The following BTRC variants were observed in gnomAD, a reference collection of about 807,000 sequenced individuals.
BTRC encodes the protein F-box/WD repeat-containing protein 1A.
Under a neutral mutation model 85.5 loss-of-function variants are expected in BTRC, and 42 were observed. The ratio of observed to expected loss-of-function variants is 0.49; its 90% CI spans 0.38 to 0.64. BTRC has a LOEUF of 0.64. Ranked by LOEUF, BTRC falls within the 30% of genes least tolerant of loss-of-function variation. The probability of loss-of-function intolerance (pLI) is 0.00; values close to 1 mark genes in which losing one functional copy is unlikely to be tolerated. For missense variants in BTRC, 594 were observed against 743.5 expected (o/e 0.80, Z 2.34); for synonymous variants, 255 against 263.3 (o/e 0.97, Z 0.30).
At chr10:101,450,638 A>G (rs1281810096) in intron 2 of BTRC, among the ~76,000 whole-genome samples, 3 of 152,198 alleles carry the variant, frequency 2.0e-5, no homozygotes, top group Non-Finnish European at 4.4e-5. Context: ...TAGGTAGTAC[A>G]GCCGAGTTGT....
At chr10:101,467,435 C>T (rs567514589) in intron 3 of BTRC, among the ~76,000 whole-genome samples, 1 of 150,674 alleles carries the variant, frequency 6.6e-6, no homozygotes, top group African/African-American at 2.4e-5. Flanking sequence ...GATAATTGCT[C>T]GAGAAAACCC....
chr10:101,483,652 T>C (rs1389822608), intron 4 of BTRC, among the ~76,000 whole-genome samples: 1 of 152,110 alleles, frequency 6.6e-6, no homozygotes, highest in Non-Finnish European at 1.5e-5. Context: ...ATCCAAGTAA[T>C]ATTTGGAGGC....
intron 8 of BTRC, 122 bp from the exon 9 acceptor site, chr10:101,532,830 A>G (rs1022236986): frequency 1.4e-5 from 11 of 801,144 alleles, no homozygotes; most frequent in Non-Finnish European, 2.3e-5. Flanking sequence ...ACCTATAGAA[A>G]ATGCATTCCA....
intron 4 of BTRC, 72 bp from the exon 5 acceptor site, chr10:101,521,567 C>A: frequency 4.5e-6 from 5 of 1,115,350 alleles, no homozygotes; most frequent in Non-Finnish European, 6.5e-6. Context: ...GCATGCCATA[C>A]CAGAAAATCA....
chr10:101,529,631 T>G (rs763846020), intron 6 of BTRC, among the ~76,000 whole-genome samples: 5 of 152,226 alleles, frequency 3.3e-5, no homozygotes, highest in Non-Finnish European at 5.9e-5. Context: ...GTATCATGTT[T>G]CATTAATCCC....
At chr10:101,547,916 T>TA (rs1236898899) in intron 13 of BTRC, among the ~76,000 whole-genome samples, 1 of 152,174 alleles carries the variant, frequency 6.6e-6, no homozygotes, top group East Asian at 1.9e-4. Context: ...CATGCTTATA[T>TA]CAATGGATGC....
chr10:101,523,687 T>C (rs2062152441), intron 5 of BTRC, among the ~76,000 whole-genome samples: 1 of 152,232 alleles, frequency 6.6e-6, no homozygotes, highest in South Asian at 2.1e-4. Flanking sequence ...TACGTATGTG[T>C]ATTTGCCTAT....
At position 101,526,096 on chromosome 10, in the gene BTRC, G is replaced by A. The variant is rs751603535; in HGVS notation, c.640G>A (p.Glu214Lys). 2 of 1,614,146 alleles carry A rather than the reference G, an allele frequency of 1.2e-6. No homozygotes were observed. The highest frequency in any genetic ancestry group is 1.7e-6 in the Non-Finnish European group (2 of 1,180,036). The change falls in exon 6 of 15, where the codon GAA becomes AAA. Residue 214 changes from glutamate (E) to lysine (K), a missense_variant. Coordinates refer to ENST00000370187, the MANE Select transcript of BTRC (RefSeq NM_033637.4). ...ATGTGCTGCTGAACTTGTGTGCAAG[G>A]AATGGTACCGAGTGACCTCTGATGG... is the stretch of plus-strand genomic sequence containing the variant. ...SLCAAELVCK[E>K]WYRVTSDGML...
chr10:101,523,936 G>A (rs9420856), intron 5 of BTRC, among the ~76,000 whole-genome samples: 145,985 of 152,112 alleles, frequency 0.96, 70,316 homozygotes, highest in East Asian at 1. Flanking sequence ...AATCCTAGGG[G>A]AAAAAATACA....
intron 1 of BTRC, among the ~76,000 whole-genome samples, chr10:101,424,979 A>G (rs1164960116): frequency 6.6e-6 from 1 of 152,064 alleles, no homozygotes; most frequent in Non-Finnish European, 1.5e-5. Context: ...TGTATTCCTC[A>G]GTGTCTGTTC....
At chr10:101,533,985 G>A (rs773379261) in intron 9 of BTRC, among the ~76,000 whole-genome samples, 6 of 151,726 alleles carry the variant, frequency 4.0e-5, no homozygotes, top group Admixed American at 2.0e-4. Context: ...CTATAAAAGG[G>A]GGCTAAACTG....
chr10:101,385,398 GTGAAAC>G (rs1943043845), intron 1 of BTRC, among the ~76,000 whole-genome samples: 1 of 147,582 alleles, frequency 6.8e-6, no homozygotes, highest in African/African-American at 2.5e-5. Flanking sequence ...AAGAAAAAAA[GTGAAAC>G]TGACTTTTTT....
chr10:101,371,945 A>G (rs1159432110), intron 1 of BTRC, among the ~76,000 whole-genome samples: 1 of 152,176 alleles, frequency 6.6e-6, no homozygotes, highest in African/African-American at 2.4e-5. Flanking sequence ...TACAAACTAC[A>G]AAAGGATCAG....
intron 4 of BTRC, among the ~76,000 whole-genome samples, chr10:101,518,417 G>T (rs1490455979): frequency 1.3e-5 from 2 of 152,150 alleles, no homozygotes; most frequent in African/African-American, 4.8e-5. Flanking sequence ...GTAGCTCAGC[G>T]CTCTAAGGAG....
At chr10:101,518,292 G>A (rs2062052701) in intron 4 of BTRC, among the ~76,000 whole-genome samples, 1 of 152,080 alleles carries the variant, frequency 6.6e-6, no homozygotes, top group African/African-American at 2.4e-5. Flanking sequence ...CCTTTTAAAC[G>A]GTGTCAGATT....
intron 1 of BTRC, among the ~76,000 whole-genome samples, chr10:101,405,873 A>G (rs1255353458): frequency 2.6e-5 from 4 of 152,172 alleles, no homozygotes; most frequent in Non-Finnish European, 5.9e-5. Flanking sequence ...CTGTTTTGGT[A>G]AAGTGTAGCA....
chr10:101,482,497 G>GCCATT (rs1295637319), intron 4 of BTRC, among the ~76,000 whole-genome samples: 1 of 145,832 alleles, frequency 6.9e-6, no homozygotes, highest in Non-Finnish European at 1.5e-5. Flanking sequence ...CCGGTTTCAC[G>GCCATT]CCATTTTCCT....
At chr10:101,547,130 C>G (rs1055080039) in intron 13 of BTRC, among the ~76,000 whole-genome samples, 1 of 152,024 alleles carries the variant, frequency 6.6e-6, no homozygotes, top group African/African-American at 2.4e-5. Context: ...GCATTTTCAG[C>G]TTAGGATAGT....
chr10:101,522,023 T>C (rs2062114797), intron 5 of BTRC, among the ~76,000 whole-genome samples, 153 bp downstream of exon 5: 3 of 52,540 alleles, frequency 5.7e-5, no homozygotes, highest in Non-Finnish European at 1.5e-4. Flanking sequence ...GCTTTTTTTT[T>C]TTTTTTTTTT....
Sources: allele counts gnomAD v4.1 joint callset (sites outside exome capture counted in the v4.1 genomes callset), GRCh38; gene constraint gnomAD v4.1.1; transcripts MANE v1.5; gene names NCBI Gene and HGNC (gene_info 2026-07-23, HGNC 2026-07-21).